PRKG1: variants seen among roughly 807,000 people sequenced by gnomAD.
PRKG1 encodes the protein protein kinase cGMP-dependent 1.
A neutral mutation model predicts 88.1 loss-of-function variants in PRKG1; 35 were observed. The observed-to-expected ratio is 0.40, with a 90% CI of 0.30 to 0.53. PRKG1 has a LOEUF of 0.53. PRKG1 is among the 20% of genes least tolerant of loss of function. The probability of loss-of-function intolerance (pLI) is 0.59; values close to 1 mark genes in which losing one functional copy is unlikely to be tolerated. For synonymous variants in PRKG1, 303 were observed against 292.5 expected (o/e 1.04, Z -0.37); for missense variants, 540 against 839.8 (o/e 0.64, Z 4.41).
At chr10:51,280,319 A>T (rs1840257307) in intron 2 of PRKG1, among the ~76,000 whole-genome samples, 1 of 151,950 alleles carries the variant, frequency 6.6e-6, no homozygotes, top group Non-Finnish European at 1.5e-5. Context: ...CCTTCATTTC[A>T]ACTTTGGTGA....
intron 2 of PRKG1, among the ~76,000 whole-genome samples, chr10:51,340,987 G>A (rs980842158): frequency 9.9e-5 from 15 of 152,026 alleles, no homozygotes; most frequent in Non-Finnish European, 2.1e-4. Flanking sequence ...AACTTTCCCC[G>A]TTAGCTAATT....
chr10:51,435,445 T>C (rs191535662), intron 2 of PRKG1, among the ~76,000 whole-genome samples: 1 of 145,466 alleles, frequency 6.9e-6, no homozygotes, highest in African/African-American at 2.6e-5. Context: ...TATATATATG[T>C]CATATGACAT....
chr10:52,103,113 T>C (rs1422325573), intron 7 of PRKG1, among the ~76,000 whole-genome samples: 2 of 152,194 alleles, frequency 1.3e-5, no homozygotes, highest in African/African-American at 4.8e-5. Context: ...TATGAGAATC[T>C]AATGCCTAAT....
chr10:52,082,541 T>A lies in PRKG1; in HGVS notation c.935+19910T>A, dbSNP rs147476659. Among the ~76,000 whole-genome samples, 22 of 152,250 alleles carry A rather than the reference T, an allele frequency of 1.4e-4. 1 individual carries two copies. The highest frequency in any genetic ancestry group is 3.4e-3 in the Middle Eastern group (1 of 294). ...AAATTGGAAAGAGATGCAAATTGTCTCTGGCAAGCTGGTGTGAGGGAGCTC... is the reference window on the plus strand; with the variant it reads ...AAATTGGAAAGAGATGCAAATTGTCACTGGCAAGCTGGTGTGAGGGAGCTC... On this transcript the variant is annotated intron_variant, in intron 7 of 17. Coordinates refer to ENST00000373980, the MANE Select transcript of PRKG1 (RefSeq NM_006258.4).
intron 8 of PRKG1, among the ~76,000 whole-genome samples, chr10:52,153,163 T>C (rs1172097902): frequency 2.0e-5 from 3 of 152,178 alleles, no homozygotes; most frequent in Non-Finnish European, 2.9e-5. Context: ...AGCCCATCCA[T>C]TGTGGACAGA....
At chr10:52,007,679 A>C (rs1844773091) in intron 5 of PRKG1, among the ~76,000 whole-genome samples, 2 of 152,210 alleles carry the variant, frequency 1.3e-5, no homozygotes, top group Non-Finnish European at 2.9e-5. Flanking sequence ...CAATAGTGGA[A>C]GTCTTCAACA....
chr10:51,896,023 G>T (rs550383956), intron 4 of PRKG1, among the ~76,000 whole-genome samples: 15 of 152,042 alleles, frequency 9.9e-5, no homozygotes, highest in Non-Finnish European at 2.2e-4. Context: ...CCACCTTTTG[G>T]ACATGACACG....
intron 2 of PRKG1, among the ~76,000 whole-genome samples, chr10:51,327,020 A>G (rs765829887): frequency 1.3e-5 from 2 of 152,232 alleles, no homozygotes; most frequent in Non-Finnish European, 2.9e-5. Flanking sequence ...TGTATACTGC[A>G]TATGTGTCTT....
At chr10:52,264,765 C>CT (rs560903596) in intron 10 of PRKG1, among the ~76,000 whole-genome samples, 71 of 152,172 alleles carry the variant, frequency 4.7e-4, no homozygotes, top group African/African-American at 1.6e-3. Context: ...GCTACTGCTA[C>CT]TTTTTTCCAG....
chr10:52,108,034 T>G (rs1205999123), intron 7 of PRKG1, among the ~76,000 whole-genome samples: 2 of 152,220 alleles, frequency 1.3e-5, no homozygotes, highest in African/African-American at 4.8e-5. Flanking sequence ...TACACACGCA[T>G]GCACATATAT....
chr10:51,890,461 A>C (rs1841691527), intron 4 of PRKG1, among the ~76,000 whole-genome samples: 1 of 152,262 alleles, frequency 6.6e-6, no homozygotes, highest in African/African-American at 2.4e-5. Context: ...TCATTCAGTT[A>C]GCCATGTACT....
rs1463282704 is a variant in PRKG1, at chr10:51,351,101, T to C, written c.479-116622T>C. On this transcript the variant is annotated intron_variant, in intron 2 of 17. Coordinates refer to ENST00000373980, the MANE Select transcript of PRKG1 (RefSeq NM_006258.4). ...AAAGGACATGAACTCATGCCTTTTA[T>C]GGCTGCATAGTATTCCATGGTATAT... 2.6e-5 allele frequency among the ~76,000 whole-genome samples: 4 copies of C among 152,222 alleles called. No individual in the cohort carries two copies. In the East Asian group the frequency reaches 5.8e-4, roughly 22 times the overall value.
intron 3 of PRKG1, among the ~76,000 whole-genome samples, chr10:51,514,695 C>T (rs1841527254): frequency 6.6e-6 from 1 of 152,146 alleles, no homozygotes; most frequent in South Asian, 2.1e-4. Flanking sequence ...GGGTGACCTG[C>T]TTTAACAGAT....
At chr10:51,584,687 G>A (rs926257562) in intron 3 of PRKG1, among the ~76,000 whole-genome samples, 6 of 152,146 alleles carry the variant, frequency 3.9e-5, no homozygotes, top group Admixed American at 2.6e-4. Context: ...ATGTCTACAT[G>A]TTTTATCATT....
intron 2 of PRKG1, among the ~76,000 whole-genome samples, chr10:51,156,553 CT>C (rs1846221400): frequency 6.6e-6 from 1 of 151,890 alleles, no homozygotes; most frequent in Non-Finnish European, 1.5e-5. Flanking sequence ...ATGATGTTGA[CT>C]GCCTTCAGAG....
rs74131785 is a variant in PRKG1 at position 51,172,433 on chromosome 10, G to A, written c.478+19103G>A. Reference sequence around the variant, plus strand: ...AGACAATAAAGTATTTTTTAGTAAGGCAACTGAGAGTTGACACACAGAACA... The same window carrying A: ...AGACAATAAAGTATTTTTTAGTAAGACAACTGAGAGTTGACACACAGAACA... On this transcript the variant is annotated intron_variant, in intron 2 of 17. Coordinates refer to ENST00000373980, the MANE Select transcript of PRKG1 (RefSeq NM_006258.4). Among the ~76,000 whole-genome samples, 1,498 of 152,028 alleles carry A rather than the reference G, an allele frequency of 9.9e-3. 34 individuals carry two copies. The highest frequency in any genetic ancestry group is 0.034 in the African/African-American group (1,410 of 41,494).
intron 7 of PRKG1, 74 bp from the exon 8 acceptor site, chr10:52,133,766 T>C: frequency 1.6e-6 from 2 of 1,281,606 alleles, no homozygotes; most frequent in Non-Finnish European, 2.2e-6. Flanking sequence ...AATTTTTTCC[T>C]GAATTAATCA....
intron 2 of PRKG1, 65 bp from the exon 3 acceptor site, chr10:51,467,657 TA>T (rs1564510790): frequency 1.5e-6 from 2 of 1,365,054 alleles, no homozygotes; most frequent in Non-Finnish European, 2.1e-6. Context: ...CTCTTCACAT[TA>T]AAAATGCAAC....
chr10:51,873,213 A>T (rs1589377721), intron 4 of PRKG1, among the ~76,000 whole-genome samples: 2 of 152,154 alleles, frequency 1.3e-5, no homozygotes, highest in East Asian at 3.8e-4. Context: ...GGATTTCAAA[A>T]TAATAATTTT....
Sources: gnomAD v4.1 joint callset for allele counts (sites outside exome capture counted in the v4.1 genomes callset) on GRCh38, gnomAD v4.1.1 for gene constraint, MANE v1.5 for transcripts, NCBI Gene and HGNC (gene_info 2026-07-23, HGNC 2026-07-21) for gene names.